CAT: variants seen among roughly 807,000 people sequenced by gnomAD.
The protein encoded by CAT is catalase.
In CAT, 43 loss-of-function variants were observed where a neutral mutation model predicts 59.0. The ratio of observed to expected loss-of-function variants is 0.73; its 90% CI spans 0.57 to 0.94. CAT has a LOEUF of 0.94. Among genes scored for constraint, CAT ranks in the 40% least tolerant of loss-of-function variants. CAT has a pLI of 0.00. For missense variants in CAT, 664 were observed against 682.9 expected, an observed-to-expected ratio of 0.97 and a Z score of 0.31; for synonymous variants, 218 against 230.9, an observed-to-expected ratio of 0.94 and a Z score of 0.51.
intron 2 of CAT, among the ~76,000 whole-genome samples, chr11:34,450,104 T>G (rs1856505478): frequency 6.6e-6 from 1 of 151,490 alleles, no homozygotes; most frequent in African/African-American, 2.4e-5. Flanking sequence ...GATGGTGGCC[T>G]CAGCTAGGAA....
intron 8 of CAT, among the ~76,000 whole-genome samples, chr11:34,457,698 A>G (rs190778603): frequency 7.2e-5 from 11 of 152,330 alleles, no homozygotes; most frequent in Admixed American, 5.2e-4. Flanking sequence ...AGAGTGAAAA[A>G]TTGTACTTTG....
At chr11:34,471,219 C>G in intron 12 of CAT, 149 bp from the exon 13 acceptor site, 1 of 854,088 alleles carries the variant, frequency 1.2e-6, no homozygotes, top group Non-Finnish European at 2.0e-6. Context: ...AAAACACATA[C>G]TCTTCATTTT....
At position 34,471,752 on chromosome 11, in the gene CAT, G is replaced by A. The variant is rs549350792; in HGVS notation, c.*319G>A. The A allele has an allele frequency of 8.0e-6, 3 of 376,752 alleles. No homozygotes were observed. In the East Asian group the frequency reaches 1.8e-4, roughly 22 times the overall value. The allele number at this position is 376,752 out of a possible 1,614,324, so 23.3% of individuals were successfully genotyped here. On this transcript the variant is annotated 3_prime_UTR_variant, in exon 13 of 13. Coordinates refer to ENST00000241052, the MANE Select transcript of CAT (RefSeq NM_001752.4). Reference sequence around the variant, plus strand: ...GACAAAATTTGTTGAAATTATGTATGTTTACATATCACCTCATGGCCTATT... The same window carrying A: ...GACAAAATTTGTTGAAATTATGTATATTTACATATCACCTCATGGCCTATT...
At chr11:34,466,132 A>G (rs540480860) in intron 10 of CAT, among the ~76,000 whole-genome samples, 2 of 152,232 alleles carry the variant, frequency 1.3e-5, no homozygotes, top group Non-Finnish European at 2.9e-5. Flanking sequence ...GGCCATGCCT[A>G]GGAATAAGGG....
intron 3 of CAT, among the ~76,000 whole-genome samples, chr11:34,451,380 A>C (rs867072845): frequency 6.6e-6 from 1 of 152,248 alleles, no homozygotes; most frequent in Admixed American, 6.5e-5. Context: ...ACAGAAGAAT[A>C]GAGTGGAAAT....
In CAT at chr11:34,461,281, C is replaced by T. The variant is rs760702023; in HGVS notation, c.1087C>T (p.Arg363Cys). 62 of 1,614,104 alleles carry T rather than the reference C, an allele frequency of 3.8e-5. No individual in the cohort carries two copies. The highest frequency in any genetic ancestry group is 4.5e-5 in the East Asian group (2 of 44,900). ...GRLFAYPDTH[R>C]HRLGPNYLHI... is the part of the protein sequence containing the mutation. ...CCTTTTTGCCTATCCTGACACTCAC[C>T]GCCATCGCCTGGGACCCAATTATCT... The change falls in exon 9 of 13, where the codon CGC (arginine) becomes TGC (cysteine). Residue 363 changes from arginine (R) to cysteine (C), a missense_variant. By Grantham distance (180) the Arg-to-Cys change is radical. Transcript: ENST00000241052.
At chr11:34,463,975 T>C in intron 9 of CAT, 130 bp from the exon 10 acceptor site, 1 of 894,228 alleles carries the variant, frequency 1.1e-6, no homozygotes, top group Admixed American at 1.7e-5. Context: ...GTGTGCGTTG[T>C]GTTTATATCT....
chr11:34,463,803 C>A (rs1856680346), intron 9 of CAT, among the ~76,000 whole-genome samples: 1 of 152,130 alleles, frequency 6.6e-6, no homozygotes. Flanking sequence ...ATGTGCTGTA[C>A]CCCTCAGAAG....
rs781318238 is a variant in CAT at position 34,453,951 on chromosome 11, G to A, written c.711+25G>A. The A allele has an allele frequency of 8.7e-6, 14 of 1,611,816 alleles. No homozygotes were observed. In the South Asian group the frequency reaches 1.5e-4, roughly 18 times the overall value. ...GGTATGTGTTACCTTTGGGGCAGAGGGTACAAGGCTCCTACCGCATACCTC... is the reference window on the plus strand; with the variant it reads ...GGTATGTGTTACCTTTGGGGCAGAGAGTACAAGGCTCCTACCGCATACCTC... On this transcript the variant is annotated intron_variant, in intron 6 of 12. Coordinates refer to ENST00000241052, the MANE Select transcript of CAT (RefSeq NM_001752.4).
At position 34,460,988 on chromosome 11, in the gene CAT, GA is replaced by G. The variant is rs894919587; in HGVS notation, c.1057-253del. Reference sequence around the variant, plus strand: ...AAGACACTAACTTGTTATGCAGAAGGAAAAAAAAAAGATATTATTACCAAAA... The same window carrying G: ...AAGACACTAACTTGTTATGCAGAAGGAAAAAAAAAGATATTATTACCAAAA... On this transcript the variant is annotated intron_variant, in intron 8 of 12. Coordinates refer to ENST00000241052, the MANE Select transcript of CAT (RefSeq NM_001752.4). 2.0e-3 allele frequency: 922 copies of G among 463,484 alleles called. 1 individual carries two copies. Among genetic ancestry groups the G allele is most frequent in the East Asian group, 2.8e-3 (68 of 24,402 alleles). The allele number at this position is 463,484 out of a possible 1,614,324, so 28.7% of individuals were successfully genotyped here.
At chr11:34,443,504 A>G (rs1856415160) in intron 1 of CAT, among the ~76,000 whole-genome samples, 2 of 151,634 alleles carry the variant, frequency 1.3e-5, no homozygotes, top group South Asian at 4.2e-4. Context: ...TTAAATGGGA[A>G]CTTTATTGCT....
In CAT at chr11:34,439,068, C is replaced by A; in HGVS notation, c.55C>A (p.Arg19=). 1 of 1,592,168 alleles carries A rather than the reference C, an allele frequency of 6.3e-7. No individual in the cohort carries two copies. Among genetic ancestry groups the A allele is most frequent in the Non-Finnish European group, 8.6e-7 (1 of 1,169,398 alleles). ...CCAGATGCAGCACTGGAAGGAGCAG[C>A]GGGCCGCGCAGGTACACTCTGTGCT... The part of the protein sequence containing the change: ...SDQMQHWKEQ[R]AAQKADVLTT... Residue 19 remains arginine, a synonymous_variant, in exon 1 of 13, where the codon CGG becomes AGG. Coordinates refer to ENST00000241052, the MANE Select transcript of CAT (RefSeq NM_001752.4).
intron 8 of CAT, among the ~76,000 whole-genome samples, chr11:34,458,815 C>G (rs967513137): frequency 5.3e-5 from 8 of 152,068 alleles, no homozygotes. Context: ...ACTAGGCCCC[C>G]GGGAAAAGGA....
In CAT at chr11:34,470,965, A is replaced by G; in HGVS notation, c.1442A>G (p.Asn481Ser). 1.2e-6 allele frequency: 2 copies of G among 1,613,980 alleles called. No individual in the cohort carries two copies. Among genetic ancestry groups the G allele is most frequent in the Non-Finnish European group, 1.7e-6 (2 of 1,179,832 alleles). ...QIFIQKKAVKNFTEVHPDYGS... is the reference protein window; with the variant it reads ...QIFIQKKAVKSFTEVHPDYGS... Reference sequence around the variant, plus strand: ...ATTTTCCTTTGGCCTTAGGTCAAGAACTTCACTGAGGTCCACCCTGACTAC... The same window carrying G: ...ATTTTCCTTTGGCCTTAGGTCAAGAGCTTCACTGAGGTCCACCCTGACTAC... Residue 481 changes from asparagine to serine, a missense_variant, in exon 12 of 13, where the codon AAC becomes AGC. Transcript: ENST00000241052.
In CAT at chr11:34,439,107, C is replaced by G. The variant is rs773430994; in HGVS notation, c.66+28C>G. The G allele has an allele frequency of 4.5e-5, 71 of 1,561,940 alleles. 1 individual carries two copies. In the South Asian group the frequency reaches 7.7e-4, roughly 17 times the overall value. ...ACACTCTGTGCTCCCCGAGCGGGCC[C>G]GAAGGTCCGTTTAGAAAGCGGGGGC... On this transcript the variant is annotated intron_variant, in intron 1 of 12. Coordinates refer to ENST00000241052, the MANE Select transcript of CAT (RefSeq NM_001752.4).
At chr11:34,471,098 A>G (rs1856768421) in intron 12 of CAT, 57 bp downstream of exon 12, 3 of 1,418,002 alleles carry the variant, frequency 2.1e-6, no homozygotes, top group African/African-American at 1.4e-5. Context: ...TGGAGTAGGC[A>G]TGACTTAGTT....
rs772757638 is a variant in CAT, at chr11:34,451,032, T to C, written c.283T>C (p.Ser95Pro). ...FEVTHDITKYSKAKVFEHIGK... is the reference protein window; with the variant it reads ...FEVTHDITKYPKAKVFEHIGK... ...GGTCACACATGACATTACCAAATAC[T>C]CCAAGGCAAAGGTATTTGAGCATAT... The change falls in exon 3 of 13, where the codon TCC becomes CCC. Residue 95 changes from serine (S) to proline (P), a missense_variant. Ser to Pro is a moderately conservative substitution (Grantham distance 74, BLOSUM62 -1). Coordinates refer to ENST00000241052, the MANE Select transcript of CAT (RefSeq NM_001752.4). The C allele has an allele frequency of 6.2e-7, 1 of 1,613,882 alleles. No homozygotes were observed. The highest frequency in any genetic ancestry group is 8.5e-7 in the Non-Finnish European group (1 of 1,179,766).
chr11:34,452,170 A>AT lies in CAT; in HGVS notation c.444dup (p.Asn149Ter), dbSNP rs759241713. The AT allele has an allele frequency of 6.2e-7, 1 of 1,613,784 alleles. No individual in the cohort carries two copies. The highest frequency in any genetic ancestry group is 1.3e-5 in the African/African-American group (1 of 74,918). On this transcript the variant is annotated frameshift_variant, in exon 4 of 13. Coordinates refer to ENST00000241052, the MANE Select transcript of CAT (RefSeq NM_001752.4). LOFTEE classifies it high-confidence loss of function. The stretch of plus-strand genomic sequence containing the variant: ...GATGGTAACTGGGATCTCGTTGGAA[A>AT]TAACACCCCCATTTTCTTCATCAGG...
chr11:34,442,754 G>T (rs1262772703), intron 1 of CAT, among the ~76,000 whole-genome samples: 1 of 152,144 alleles, frequency 6.6e-6, no homozygotes, highest in African/African-American at 2.4e-5. Context: ...GCTTTTATGG[G>T]CGTCACTGTC....
Sources: allele counts gnomAD v4.1 joint callset (sites outside exome capture counted in the v4.1 genomes callset), GRCh38; gene constraint gnomAD v4.1.1; transcripts MANE v1.5; gene names NCBI Gene and HGNC (gene_info 2026-07-23, HGNC 2026-07-21).